The following PCNX4 variants were observed in gnomAD, a reference collection of about 807,000 sequenced individuals.
The protein encoded by PCNX4 is pecanex-like protein 4.
A neutral mutation model predicts 107.2 loss-of-function variants in PCNX4; 103 were observed. That is an observed-to-expected ratio of 0.96 (90% confidence interval 0.82 to 1.13). PCNX4 has a LOEUF of 1.13. Ranked by LOEUF, PCNX4 falls within the 50% of genes most tolerant of loss-of-function variation. The pLI, the probability that PCNX4 is intolerant of heterozygous loss-of-function variation, is 0.00. For missense variants in PCNX4, 1,528 were observed against 1,379.4 expected (o/e 1.11, Z -1.71); for synonymous variants, 541 against 481.7 (o/e 1.12, Z -1.61).
chr14:60,125,322 A>G lies in PCNX4; in HGVS notation c.3080+71A>G, dbSNP rs1377726648. On this transcript the variant is annotated intron_variant, in intron 9 of 10. Transcript: ENST00000406854. ...TACTGATTTTTCTAAATCACGTACA[A>G]GAAGACAGTTATTCGTTTCTAGTTT... The G allele has an allele frequency of 5.2e-6, 7 of 1,348,742 alleles. No homozygotes were observed. The South Asian group carries it at 7.0e-5, about 13-fold the overall frequency. 83.5% of individuals were successfully genotyped at this position (1,348,742 alleles called of 1,614,324 possible).
chr14:60,116,190 A>G (rs763391235), intron 6 of PCNX4, 130 bp downstream of exon 6: 13 of 891,026 alleles, frequency 1.5e-5, no homozygotes, highest in Non-Finnish European at 2.1e-5. Flanking sequence ...AACATCCCAA[A>G]AAGAAACCTC....
In PCNX4 at chr14:60,124,585, AAT is replaced by A. The variant is rs749454303; in HGVS notation, c.2415_2416del (p.Lys805AsnfsTer14). On this transcript the variant is annotated frameshift_variant, in exon 9 of 11. Coordinates refer to ENST00000406854, the MANE Select transcript of PCNX4 (RefSeq NM_001330177.2). LOFTEE classifies it high-confidence loss of function. ...GCTTTGAACACTTTGCCACCTCCCA[AAT>A]CCCCAGAAGACATAGACAGTTTAAA... 1 of 1,613,838 alleles carries A rather than the reference AAT, an allele frequency of 6.2e-7. No homozygotes were observed. Among genetic ancestry groups the A allele is most frequent in the Admixed American group, 1.7e-5 (1 of 60,004 alleles).
chr14:60,114,622 C>T (rs986945570), intron 2 of PCNX4, 78 bp from the exon 3 acceptor site: 8 of 1,202,006 alleles, frequency 6.7e-6, no homozygotes, highest in South Asian at 1.7e-5. Context: ...TGTTGTTATT[C>T]TGTGTTGCTT....
chr14:60,115,385 A>G lies in PCNX4; in HGVS notation c.1281A>G (p.Gln427=). ...ATCCCTTTTATCCGAAGGATGTGCA[A>G]ACTGTGACTGTATTCTTTGAGAAGC... The part of the protein sequence containing the change: ...FRNPFYPKDV[Q]TVTVFFEKQT... The change falls in exon 4 of 11, where the codon CAA becomes CAG. Residue 427 remains glutamine, a synonymous_variant. Transcript: ENST00000406854. 1 of 1,589,812 alleles carries G rather than the reference A, an allele frequency of 6.3e-7. No individual in the cohort carries two copies. The highest frequency in any genetic ancestry group is 8.6e-7 in the Non-Finnish European group (1 of 1,169,316).
In PCNX4 at chr14:60,144,753, C is replaced by G; in HGVS notation, c.*10532C>G. The G allele has an allele frequency of 2.0e-6, 1 of 501,852 alleles. No individual in the cohort carries two copies. Among genetic ancestry groups the G allele is most frequent in the Non-Finnish European group, 3.5e-6 (1 of 289,254 alleles). The allele number at this position is 501,852 out of a possible 1,614,324, so 31.1% of individuals were successfully genotyped here. ...AAGTATTTTAAAAGGTTATTTTATC[C>G]AAGAATATAGTATGAGTTAATACCT... On this transcript the variant is annotated 3_prime_UTR_variant, in exon 11 of 11. Transcript: ENST00000406854.
At chr14:60,125,975 C>A (rs566640469) in intron 10 of PCNX4, 152 bp downstream of exon 10, 3 of 564,954 alleles carry the variant, frequency 5.3e-6, no homozygotes, top group Non-Finnish European at 8.3e-6. Flanking sequence ...GACTTTTTGG[C>A]TAAGCTAGAT....
chr14:60,099,758 T>G (rs893215376), intron 1 of PCNX4, among the ~76,000 whole-genome samples: 2 of 152,180 alleles, frequency 1.3e-5, no homozygotes, highest in Non-Finnish European at 2.9e-5. Context: ...CTAACAGTGC[T>G]TTAAGAAAAA....
Position 60,146,089 on chromosome 14 carries a change from T to C in PCNX4, c.*11868T>C, listed in dbSNP as rs1336321202. The C allele has an allele frequency of 1.3e-5, 2 of 151,300 alleles. No individual in the cohort carries two copies. The highest frequency in any genetic ancestry group is 3.9e-4 in the East Asian group (2 of 5,162). The allele number at this position is 151,300 out of a possible 1,614,324, so 9.4% of individuals were successfully genotyped here. On this transcript the variant is annotated 3_prime_UTR_variant, in exon 11 of 11. Coordinates refer to ENST00000406854, the MANE Select transcript of PCNX4 (RefSeq NM_001330177.2). This position sits in a 1 kb window ranked among gnomAD's most constrained non-coding sequence, Gnocchi z 4.9. ...GTACAGACTATAAAGAATGAGGTAT[T>C]ATGTCCTAAAAATTGCTTTGAGAAA... is the stretch of plus-strand genomic sequence containing the variant.
intron 2 of PCNX4, 171 bp downstream of exon 2, chr14:60,108,498 T>A: frequency 2.0e-6 from 1 of 504,006 alleles, no homozygotes; most frequent in Non-Finnish European, 3.4e-6. Flanking sequence ...CTGTAAAACA[T>A]ACTAAAGCAA....
chr14:60,103,099 G>A (rs1031556172), intron 1 of PCNX4, among the ~76,000 whole-genome samples: 2 of 152,108 alleles, frequency 1.3e-5, no homozygotes, highest in African/African-American at 4.8e-5. Context: ...CTTGCTACCT[G>A]TCAAATTTCT....
At chr14:60,119,058 C>T (rs1333056430) in intron 7 of PCNX4, among the ~76,000 whole-genome samples, 2 of 152,148 alleles carry the variant, frequency 1.3e-5, no homozygotes, top group African/African-American at 2.4e-5. Context: ...CAGTAGCATA[C>T]GTTCATAAAG....
intron 10 of PCNX4, among the ~76,000 whole-genome samples, chr14:60,130,764 C>G (rs1275068769): frequency 6.6e-6 from 1 of 151,666 alleles, no homozygotes; most frequent in Non-Finnish European, 1.5e-5. Flanking sequence ...TTTCTGGATT[C>G]TTGAATCTAC....
Position 60,107,736 on chromosome 14 carries a change from G to T in PCNX4, c.98G>T (p.Gly33Val). ...TVLGGPRFKL[G>V]YCAPPYIYVN... ...CTTGGAGGCCCTCGATTCAAATTAG[G>T]CTATTGTGCCCCTCCTTACATATAT... Residue 33 changes from glycine (G) to valine (V), a missense_variant, in exon 2 of 11, where the codon GGC (glycine) becomes GTC (valine). Gly to Val is a moderately radical substitution (Grantham distance 109, BLOSUM62 -3). Coordinates refer to ENST00000406854, the MANE Select transcript of PCNX4 (RefSeq NM_001330177.2). 2 of 1,612,564 alleles carry T rather than the reference G, an allele frequency of 1.2e-6. No individual in the cohort carries two copies. The highest frequency in any genetic ancestry group is 1.7e-6 in the Non-Finnish European group (2 of 1,179,694).
chr14:60,122,693 A>G (rs1895978211), intron 8 of PCNX4, among the ~76,000 whole-genome samples: 2 of 152,110 alleles, frequency 1.3e-5, no homozygotes, highest in South Asian at 2.1e-4. Flanking sequence ...CCCTCACTTT[A>G]TAAGTAGTAT....
rs745789951 is a variant in PCNX4, at chr14:60,139,546, C to T, written c.*5325C>T. ...TTTAATATACTCAGTAACAGAACAG[C>T]AGCCATGCAAAAATACGTAAATATG... On this transcript the variant is annotated 3_prime_UTR_variant, in exon 11 of 11. Transcript: ENST00000406854. 3 of 152,008 alleles carry T rather than the reference C, an allele frequency of 2.0e-5. No individual in the cohort carries two copies. The highest frequency in any genetic ancestry group is 2.9e-5 in the Non-Finnish European group (2 of 67,928). 9.4% of individuals were successfully genotyped at this position (152,008 alleles called of 1,614,324 possible).
In PCNX4 at chr14:60,140,630, A is replaced by G. The variant is rs1470191866; in HGVS notation, c.*6409A>G. ...CACACACACACACACCCCTACACACACAGAATAATCACAATCAAGTTGGGT... is the reference window on the plus strand; with the variant it reads ...CACACACACACACACCCCTACACACGCAGAATAATCACAATCAAGTTGGGT... On this transcript the variant is annotated 3_prime_UTR_variant, in exon 11 of 11. Coordinates refer to ENST00000406854, the MANE Select transcript of PCNX4 (RefSeq NM_001330177.2). The surrounding 1 kb of genome is among the most constrained non-coding windows in gnomAD (Gnocchi z 4.2). 1 of 152,068 alleles carries G rather than the reference A, an allele frequency of 6.6e-6. No individual in the cohort carries two copies. The highest frequency in any genetic ancestry group is 1.5e-5 in the Non-Finnish European group (1 of 67,992). The allele number at this position is 152,068 out of a possible 1,614,324, so 9.4% of individuals were successfully genotyped here.
chr14:60,118,604 CTG>C lies in PCNX4; in HGVS notation c.1863_1864del (p.Ala622ArgfsTer58). ...GGCCAGGAGCAGCAGGCACCACAGC[CTG>C]TGTGTGTGCAGATACAGTGTACTAC... The part of the protein sequence containing the change: ...SWPGAAGTTA[C>X]VCADTVYYYQ... On this transcript the variant is annotated frameshift_variant, in exon 7 of 11. Coordinates refer to ENST00000406854, the MANE Select transcript of PCNX4 (RefSeq NM_001330177.2). LOFTEE classifies it high-confidence loss of function. 1 of 1,613,804 alleles carries C rather than the reference CTG, an allele frequency of 6.2e-7. No homozygotes were observed. Among genetic ancestry groups the C allele is most frequent in the East Asian group, 2.2e-5 (1 of 44,888 alleles).
chr14:60,099,944 C>T (rs1182318611), intron 1 of PCNX4, among the ~76,000 whole-genome samples: 1 of 151,766 alleles, frequency 6.6e-6, no homozygotes, highest in Admixed American at 6.6e-5. Context: ...TCATACCTTT[C>T]GTCCCGGCTA....
At position 60,127,882 on chromosome 14, in the gene PCNX4, G is replaced by A. The variant is rs567579814; in HGVS notation, c.3267+2059G>A. Reference sequence around the variant, plus strand: ...AGGAAATCATGGTTGAAGAAATAAAGGACAGTATGGTGACAATCACATCAA... The same window carrying A: ...AGGAAATCATGGTTGAAGAAATAAAAGACAGTATGGTGACAATCACATCAA... On this transcript the variant is annotated intron_variant, in intron 10 of 10. Coordinates refer to ENST00000406854, the MANE Select transcript of PCNX4 (RefSeq NM_001330177.2). 1.4e-4 allele frequency among the ~76,000 whole-genome samples: 22 copies of A among 152,192 alleles called. No individual in the cohort carries two copies. The South Asian group carries it at 4.4e-3, about 30-fold the overall frequency.
Sources: allele counts gnomAD v4.1 joint callset (sites outside exome capture counted in the v4.1 genomes callset), GRCh38; gene constraint gnomAD v4.1.1; non-coding constraint Gnocchi (gnomAD v3.1); transcripts MANE v1.5; gene names NCBI Gene and HGNC (gene_info 2026-07-23, HGNC 2026-07-21).